SKOR2: variants seen among roughly 807,000 people sequenced by gnomAD.
SKOR2 encodes LBX1 corepressor 1-like protein.
A neutral mutation model predicts 69.1 loss-of-function variants in SKOR2; 47 were observed. That is an observed-to-expected ratio of 0.68 (90% CI 0.54 to 0.87). The LOEUF is 0.87. Ranked by LOEUF, SKOR2 falls within the 40% of genes least tolerant of loss-of-function variation. The pLI, the probability that SKOR2 is intolerant of heterozygous loss-of-function variation, is 0.00. For synonymous variants in SKOR2, 717 were observed against 672.6 expected (o/e 1.07, Z -1.02); for missense variants, 1,404 against 1,472.2 (o/e 0.95, Z 0.76).
At chr18:47,238,320 C>CTTTTTTTTTTTTT (rs772229985) in intron 4 of SKOR2, among the ~76,000 whole-genome samples, 1 of 108,068 alleles carries the variant, frequency 9.3e-6, no homozygotes, top group African/African-American at 3.8e-5. Flanking sequence ...CTTTTCTTTT[C>CTTTTTTTTTTTTT]TTTTTTTTTT....
chr18:47,246,827 C>A lies in SKOR2; in HGVS notation c.2357G>T (p.Arg786Leu), dbSNP rs747582136. The stretch of plus-strand genomic sequence containing the variant: ...CGACGGCCCTCGGCCCTGGAGGAAC[C>A]GGCCGCCCCCGACTAAGGGGTCGCC... ...LLGDPLVGGG[R>L]FLQGRGPSEK... The change falls in exon 2 of 9, where the codon CGG becomes CTG. Residue 786 changes from arginine (R) to leucine (L), a missense_variant. Coordinates refer to ENST00000425639, the MANE Select transcript of SKOR2 (RefSeq NM_001278063.4). 8.9e-6 allele frequency: 13 copies of A among 1,458,158 alleles called. No homozygotes were observed. In the Middle Eastern group the frequency reaches 7.1e-4, roughly 79 times the overall value. 90.3% of individuals were successfully genotyped at this position (1,458,158 alleles called of 1,614,324 possible). A position where few individuals can be genotyped will look rare whatever the true frequency, so the allele number is the denominator to read the frequency against.
Position 47,248,370 on chromosome 18 carries a change from CGGCCACCGCGGCCGCGGCG to C in SKOR2, c.795_813del (p.Ala266GlufsTer52), listed in dbSNP as rs1451392926. 7 of 1,288,606 alleles carry C rather than the reference CGGCCACCGCGGCCGCGGCG, an allele frequency of 5.4e-6. 1 individual carries two copies. The highest frequency in any genetic ancestry group is 1.9e-6 in the Non-Finnish European group (2 of 1,027,256). 79.8% of individuals were successfully genotyped at this position (1,288,606 alleles called of 1,614,324 possible). On this transcript the variant is annotated frameshift_variant, in exon 2 of 9. Transcript: ENST00000425639. LOFTEE classifies it high-confidence loss of function. This position sits in a 1 kb window ranked among gnomAD's most constrained non-coding sequence, Gnocchi z 6.4. Reference sequence around the variant, plus strand: ...TGGGGGCCCAGCAGACCCCCGCCTCCGGCCACCGCGGCCGCGGCGGCCACGGCGGCCGCCTTCACAGAGC... The same window carrying C: ...TGGGGGCCCAGCAGACCCCCGCCTCCGCCACGGCGGCCGCCTTCACAGAGC...
intron 4 of SKOR2, among the ~76,000 whole-genome samples, chr18:47,241,086 T>C (rs1014490690): frequency 6.6e-6 from 1 of 152,238 alleles, no homozygotes; most frequent in African/African-American, 2.4e-5. Context: ...TTAGGTAATC[T>C]GTCTCCTCCT....
intron 7 of SKOR2, among the ~76,000 whole-genome samples, chr18:47,214,802 A>G (rs895760552): frequency 6.6e-6 from 1 of 152,208 alleles, no homozygotes; most frequent in Non-Finnish European, 1.5e-5. Flanking sequence ...TTGGAAGCTC[A>G]GGATTTTAGA....
Position 47,247,236 on chromosome 18 carries a change from C to T in SKOR2, c.1948G>A (p.Ala650Thr), listed in dbSNP as rs1162545885. 1 of 1,466,700 alleles carries T rather than the reference C, an allele frequency of 6.8e-7. No individual in the cohort carries two copies. The highest frequency in any genetic ancestry group is 1.3e-5 in the South Asian group (1 of 77,268). 90.9% of individuals were successfully genotyped at this position (1,466,700 alleles called of 1,614,324 possible). A position where few individuals can be genotyped will look rare whatever the true frequency, so the allele number is the denominator to read the frequency against. ...HGASAGAPHS[A>T]QTHPHHHHHP... ...TGATGGTGGTGGGGATGCGTCTGGGCCGAGTGGGGCGCGCCCGCCGACGCC... is the reference window on the plus strand; with the variant it reads ...TGATGGTGGTGGGGATGCGTCTGGGTCGAGTGGGGCGCGCCCGCCGACGCC... The change falls in exon 2 of 9, where the codon GCC (alanine) becomes ACC (threonine). Residue 650 changes from alanine (A) to threonine (T), a missense_variant. Around this residue, in one of 3 missense-constraint regions of SKOR2, gnomAD observed 1,266 missense variants for 1,309.9 expected, o/e 0.97. Coordinates refer to ENST00000425639, the MANE Select transcript of SKOR2 (RefSeq NM_001278063.4). This position sits in a 1 kb window ranked among gnomAD's most constrained non-coding sequence, Gnocchi z 6.6.
chr18:47,231,246 G>C (rs1004627587), intron 4 of SKOR2: 1 of 1,397,330 alleles, frequency 7.2e-7, no homozygotes, highest in Admixed American at 2.1e-5. Context: ...GCAGATTCTT[G>C]AAGTTATTCC....
intron 4 of SKOR2, among the ~76,000 whole-genome samples, chr18:47,238,718 C>T (rs573337876): frequency 2.0e-4 from 31 of 152,330 alleles, no homozygotes; most frequent in African/African-American, 6.5e-4. Context: ...ATTATAATTT[C>T]GGTCAAGTGT....
Position 47,248,505 on chromosome 18 carries a change from C to T in SKOR2, c.679G>A (p.Ala227Thr), listed in dbSNP as rs1287960701. ...DKSPQDELVFAWEDVKAMFNG... is the reference protein window; with the variant it reads ...DKSPQDELVFTWEDVKAMFNG... Reference sequence around the variant, plus strand: ...AACATGGCCTTGACGTCCTCCCAGGCGAAGACCAGCTCGTCCTGGGGACTC... The same window carrying T: ...AACATGGCCTTGACGTCCTCCCAGGTGAAGACCAGCTCGTCCTGGGGACTC... The change falls in exon 2 of 9, where the codon GCC (alanine) becomes ACC (threonine). Residue 227 changes from alanine (A) to threonine (T), a missense_variant. This residue lies in a region of SKOR2 where 1,266 missense variants were observed against 1,309.9 expected (regional missense o/e 0.97). Transcript: ENST00000425639. The surrounding 1 kb of genome is among the most constrained non-coding windows in gnomAD (Gnocchi z 6.4). 2 of 1,536,864 alleles carry T rather than the reference C, an allele frequency of 1.3e-6. No individual in the cohort carries two copies. The highest frequency in any genetic ancestry group is 2.0e-5 in the Admixed American group (1 of 50,994).
intron 7 of SKOR2, among the ~76,000 whole-genome samples, chr18:47,213,579 TCAAA>T (rs1251092983): frequency 6.6e-6 from 1 of 151,770 alleles, no homozygotes; most frequent in African/African-American, 2.4e-5. Context: ...GTCAGCTGAA[TCAAA>T]CAGTCTTTTT....
At chr18:47,228,822 G>A (rs2064187495) in intron 6 of SKOR2, among the ~76,000 whole-genome samples, 1 of 152,174 alleles carries the variant, frequency 6.6e-6, no homozygotes, top group South Asian at 2.1e-4. Flanking sequence ...AAAGCTATAA[G>A]TATCACAATA....
intron 6 of SKOR2, among the ~76,000 whole-genome samples, chr18:47,222,181 GC>G (rs1264681758): frequency 6.6e-6 from 1 of 152,052 alleles, no homozygotes; most frequent in East Asian, 1.9e-4. Flanking sequence ...AATTATCTGA[GC>G]ATGGAGGTGC....
Position 47,247,334 on chromosome 18 carries a change from C to A in SKOR2, c.1850G>T (p.Ser617Ile), listed in dbSNP as rs1311338614. 1.4e-6 allele frequency: 2 copies of A among 1,475,976 alleles called. No homozygotes were observed. Among genetic ancestry groups the A allele is most frequent in the Non-Finnish European group, 1.8e-6 (2 of 1,119,596 alleles). The allele number at this position is 1,475,976 out of a possible 1,614,324, so 91.4% of individuals were successfully genotyped here. ...LLEGRKAGGG[S>I]YHHSSAFRPV... ...CCGGAAGGCGCTGGAATGGTGGTAGCTGCCACCGCCCGCTTTGCGCCCCTC... is the reference window on the plus strand; with the variant it reads ...CCGGAAGGCGCTGGAATGGTGGTAGATGCCACCGCCCGCTTTGCGCCCCTC... The change falls in exon 2 of 9, where the codon AGC becomes ATC. Residue 617 changes from serine to isoleucine, a missense_variant. Physicochemically the swap from Ser to Ile is moderately radical, Grantham distance 142. Around this residue, in one of 3 missense-constraint regions of SKOR2, gnomAD observed 1,266 missense variants for 1,309.9 expected, o/e 0.97. Coordinates refer to ENST00000425639, the MANE Select transcript of SKOR2 (RefSeq NM_001278063.4). The surrounding 1 kb of genome is among the most constrained non-coding windows in gnomAD (Gnocchi z 6.6).
At chr18:47,245,600 G>A (rs2064269516) in intron 2 of SKOR2, 39 bp from the exon 3 acceptor site, 1 of 1,469,714 alleles carries the variant, frequency 6.8e-7, no homozygotes, top group South Asian at 1.3e-5. Flanking sequence ...TCAATGCCCG[G>A]ATCAAACCAT....
intron 8 of SKOR2, among the ~76,000 whole-genome samples, chr18:47,210,212 T>G (rs1220443457): frequency 6.6e-6 from 1 of 152,116 alleles, no homozygotes. Context: ...TTTACCATCG[T>G]TGGGGGTAGG....
chr18:47,227,822 C>T (rs1452217900), intron 6 of SKOR2, among the ~76,000 whole-genome samples: 1 of 152,154 alleles, frequency 6.6e-6, no homozygotes, highest in East Asian at 1.9e-4. Context: ...ATTATTTGCC[C>T]CATTTTACAG....
intron 5 of SKOR2, 44 bp from the exon 6 acceptor site, chr18:47,230,601 A>T (rs2064194002): frequency 8.2e-7 from 1 of 1,223,858 alleles, no homozygotes; most frequent in Admixed American, 3.4e-5. Context: ...TTTACAAATA[A>T]CTCTCCAGAG....
At chr18:47,214,457 T>C (rs762960936) in intron 7 of SKOR2, among the ~76,000 whole-genome samples, 12 of 151,968 alleles carry the variant, frequency 7.9e-5, no homozygotes, top group Non-Finnish European at 1.5e-4. Flanking sequence ...TAAAACAAAA[T>C]GAAATAAAAG....
chr18:47,219,820 C>T, intron 7 of SKOR2, 123 bp downstream of exon 7: 1 of 782,122 alleles, frequency 1.3e-6, no homozygotes, highest in Non-Finnish European at 2.1e-6. Flanking sequence ...AGCATCTAAG[C>T]CAGCTGAGAG....
chr18:47,245,434 G>GT, intron 3 of SKOR2, 64 bp downstream of exon 3: 1 of 1,394,990 alleles, frequency 7.2e-7, no homozygotes, highest in Non-Finnish European at 9.4e-7. Flanking sequence ...CTGGGCATAA[G>GT]TCTCACAGAA....
Sources: gnomAD v4.1 joint callset for allele counts (sites outside exome capture counted in the v4.1 genomes callset) on GRCh38, gnomAD v4.1.1 for gene constraint, gnomAD v4.1.1 regional missense constraint, Gnocchi (gnomAD v3.1) non-coding constraint, MANE v1.5 for transcripts, NCBI Gene and HGNC (gene_info 2026-07-23, HGNC 2026-07-21) for gene names.